The following PXDNL variants were observed in gnomAD, a reference collection of about 807,000 sequenced individuals.
PXDNL encodes probable oxidoreductase PXDNL.
Under a neutral mutation model 150.8 loss-of-function variants are expected in PXDNL, and 145 were observed. The ratio of observed to expected loss-of-function variants is 0.96; its 90% CI spans 0.84 to 1.10. The LOEUF is 1.10. PXDNL is among the 50% of genes least tolerant of loss of function. The probability of loss-of-function intolerance (pLI) is 0.00; values close to 1 mark genes in which losing one functional copy is unlikely to be tolerated. For missense variants in PXDNL, 2,087 were observed against 1,873.9 expected (o/e 1.11, Z -2.10); for synonymous variants, 757 against 725.7 (o/e 1.04, Z -0.69).
intron 2 of PXDNL, among the ~76,000 whole-genome samples, chr8:51,611,153 T>G (rs1487576523): frequency 1.3e-5 from 2 of 152,304 alleles, no homozygotes; most frequent in Non-Finnish European, 2.9e-5. Flanking sequence ...TGGCTTTATT[T>G]GTATATCCAA....
At chr8:51,428,971 A>AATTATAT (rs61524441) in intron 12 of PXDNL, among the ~76,000 whole-genome samples, 7 of 150,932 alleles carry the variant, frequency 4.6e-5, no homozygotes, top group African/African-American at 1.7e-4. Flanking sequence ...AAAATATATA[A>AATTATAT]AGAACCCAAA....
In PXDNL at chr8:51,672,409, A is replaced by G. The variant is rs556222603; in HGVS notation, c.165-17649T>C. Among the ~76,000 whole-genome samples, 76 of 152,334 alleles carry G rather than the reference A, an allele frequency of 5.0e-4. No homozygotes were observed. In the South Asian group the frequency reaches 5.6e-3, roughly 11 times the overall value. On this transcript the variant is annotated intron_variant, in intron 1 of 22. Coordinates refer to ENST00000356297, the MANE Select transcript of PXDNL (RefSeq NM_144651.5). ...TCAGAAGTTGGTCCATAGCTGCAGGATGAATGGATTAATTTCACATTAGAA... is the reference window on the plus strand; with the variant it reads ...TCAGAAGTTGGTCCATAGCTGCAGGGTGAATGGATTAATTTCACATTAGAA...
At chr8:51,666,362 T>C (rs1226424399) in intron 1 of PXDNL, among the ~76,000 whole-genome samples, 1 of 152,184 alleles carries the variant, frequency 6.6e-6, no homozygotes, top group African/African-American at 2.4e-5. Flanking sequence ...CATCCACTGT[T>C]TGGTTTCCAT....
chr8:51,562,358 G>T (rs1200643173), intron 3 of PXDNL, among the ~76,000 whole-genome samples: 2 of 151,734 alleles, frequency 1.3e-5, no homozygotes, highest in Non-Finnish European at 2.9e-5. Context: ...AATTTATTTA[G>T]ATAACTAAAG....
intron 3 of PXDNL, among the ~76,000 whole-genome samples, chr8:51,586,571 T>C (rs1372666641): frequency 6.6e-6 from 1 of 152,200 alleles, no homozygotes; most frequent in Non-Finnish European, 1.5e-5. Flanking sequence ...AGTTGTGTCC[T>C]TCAAGCTTAC....
chr8:51,801,068 G>C (rs916820922), intron 1 of PXDNL, among the ~76,000 whole-genome samples: 1 of 152,138 alleles, frequency 6.6e-6, no homozygotes, highest in Non-Finnish European at 1.5e-5. Context: ...AAATTGACGT[G>C]CAAGTAGGAG....
chr8:51,621,404 C>A (rs1814248253), intron 2 of PXDNL, among the ~76,000 whole-genome samples: 1 of 150,840 alleles, frequency 6.6e-6, no homozygotes, highest in Admixed American at 6.6e-5. Context: ...AACTATTATG[C>A]ATTTATATAA....
At chr8:51,667,667 G>A (rs1355546137) in intron 1 of PXDNL, among the ~76,000 whole-genome samples, 1 of 152,146 alleles carries the variant, frequency 6.6e-6, no homozygotes, top group Non-Finnish European at 1.5e-5. Context: ...GCAACCCAGA[G>A]AAATCAATGT....
chr8:51,682,837 G>A (rs1815781986), intron 1 of PXDNL, among the ~76,000 whole-genome samples: 2 of 151,978 alleles, frequency 1.3e-5, no homozygotes, highest in South Asian at 4.1e-4. Context: ...TTGTTAAGAA[G>A]GGATTGCTGG....
Position 51,339,635 on chromosome 8 carries a change from G to T in PXDNL, c.4135C>A (p.Leu1379Ile). The change falls in exon 21 of 23, where the codon CTC becomes ATC. Residue 1379 changes from leucine (L) to isoleucine (I), a missense_variant. Leu to Ile is a conservative substitution (Grantham distance 5, BLOSUM62 2). Coordinates refer to ENST00000356297, the MANE Select transcript of PXDNL (RefSeq NM_144651.5). ...AAEIQETITA[L>I]REQINKLEAR... is the part of the protein sequence containing the mutation. ...AAGAGAAAACAAACCTGCTCTCTGA[G>T]TGCTGTGATGGTTTCCTGAATTTCC... The T allele has an allele frequency of 6.2e-7, 1 of 1,613,460 alleles. No individual in the cohort carries two copies. The highest frequency in any genetic ancestry group is 8.5e-7 in the Non-Finnish European group (1 of 1,179,748).
chr8:51,439,360 A>G (rs1809486390), intron 12 of PXDNL, among the ~76,000 whole-genome samples: 1 of 152,246 alleles, frequency 6.6e-6, no homozygotes, highest in East Asian at 1.9e-4. Context: ...GATGCAAATC[A>G]AAGCAAAAAT....
At chr8:51,771,923 G>A (rs1225692882) in intron 1 of PXDNL, among the ~76,000 whole-genome samples, 5 of 151,548 alleles carry the variant, frequency 3.3e-5, no homozygotes, top group South Asian at 2.1e-4. Context: ...ATATATCTGC[G>A]AGGTTCTCTG....
At chr8:51,632,682 A>T (rs1055714583) in intron 2 of PXDNL, among the ~76,000 whole-genome samples, 3 of 152,188 alleles carry the variant, frequency 2.0e-5, no homozygotes, top group African/African-American at 7.2e-5. Context: ...TCAAGTACTT[A>T]TGGAACGTTT....
intron 1 of PXDNL, among the ~76,000 whole-genome samples, chr8:51,671,384 T>A (rs746801914): frequency 6.6e-6 from 1 of 152,190 alleles, no homozygotes; most frequent in Non-Finnish European, 1.5e-5. Context: ...GAAGCTACAG[T>A]TCAACCTGGG....
intron 1 of PXDNL, among the ~76,000 whole-genome samples, chr8:51,807,338 C>T (rs549814254): frequency 1.8e-5 from 2 of 111,646 alleles, no homozygotes; most frequent in East Asian, 5.0e-4. Flanking sequence ...TACTTTTAAA[C>T]AACCTGATCT....
At chr8:51,781,501 C>T (rs1290535031) in intron 1 of PXDNL, among the ~76,000 whole-genome samples, 1 of 152,266 alleles carries the variant, frequency 6.6e-6, no homozygotes, top group East Asian at 1.9e-4. Context: ...TCAGTTTTCC[C>T]GTGGCTCTTC....
At chr8:51,367,011 G>T (rs1241610942) in intron 19 of PXDNL, among the ~76,000 whole-genome samples, 1 of 148,966 alleles carries the variant, frequency 6.7e-6, no homozygotes, top group East Asian at 2.0e-4. Context: ...TGAGGCAGGG[G>T]AATCGCTTAA....
chr8:51,490,930 G>T (rs1205349265), intron 5 of PXDNL, among the ~76,000 whole-genome samples: 1 of 152,126 alleles, frequency 6.6e-6, no homozygotes, highest in Non-Finnish European at 1.5e-5. Flanking sequence ...GATCCTTGGT[G>T]TGCTTGTGAG....
chr8:51,624,645 C>A (rs10097683), intron 2 of PXDNL, among the ~76,000 whole-genome samples: 87,848 of 148,076 alleles, frequency 0.59, 29,319 homozygotes, highest in Non-Finnish European at 0.74. Flanking sequence ...TCTACCTTAA[C>A]ATGTCTTTCT....
Sources: gnomAD v4.1 joint callset for allele counts (sites outside exome capture counted in the v4.1 genomes callset) on GRCh38, gnomAD v4.1.1 for gene constraint, MANE v1.5 for transcripts, NCBI Gene and HGNC (gene_info 2026-07-23, HGNC 2026-07-21) for gene names.